The following PIP4K2A variants were observed in gnomAD, a reference collection of about 807,000 sequenced individuals.
PIP4K2A encodes the protein phosphatidylinositol-5-phosphate 4-kinase type 2 alpha, also known as phosphatidylinositol 5-phosphate 4-kinase type-2 alpha.
PIP4K2A carries 14 observed loss-of-function variants against 42.9 expected under a neutral mutation model. The observed-to-expected ratio is 0.33, with a 90% CI of 0.22 to 0.51. The LOEUF (loss-of-function observed/expected upper bound fraction) is 0.51. Among genes scored for constraint, PIP4K2A ranks in the 20% least tolerant of loss-of-function variants. PIP4K2A has a pLI of 0.97. For missense variants in PIP4K2A, 434 were observed against 519.8 expected, an observed-to-expected ratio of 0.83 and a Z score of 1.61; for synonymous variants, 192 against 192.2, an observed-to-expected ratio of 1.00 and a Z score of 0.01.
chr10:22,684,783 G>A (rs1449168180), intron 1 of PIP4K2A, among the ~76,000 whole-genome samples: 1 of 152,156 alleles, frequency 6.6e-6, no homozygotes, highest in East Asian at 1.9e-4. Flanking sequence ...AAAATGCACA[G>A]CCCATGACTG....
intron 1 of PIP4K2A, among the ~76,000 whole-genome samples, chr10:22,688,643 G>A (rs544063766): frequency 2.0e-5 from 3 of 152,072 alleles, no homozygotes; most frequent in African/African-American, 7.2e-5. Flanking sequence ...CATAGAGATG[G>A]GGTCCTGCTA....
chr10:22,659,311 T>C (rs996152946), intron 1 of PIP4K2A, among the ~76,000 whole-genome samples: 1 of 152,200 alleles, frequency 6.6e-6, no homozygotes, highest in Non-Finnish European at 1.5e-5. Flanking sequence ...AGGCTTTGAT[T>C]TGGCTGGGTG....
At chr10:22,686,248 T>C (rs1440565735) in intron 1 of PIP4K2A, among the ~76,000 whole-genome samples, 2 of 152,236 alleles carry the variant, frequency 1.3e-5, no homozygotes, top group African/African-American at 4.8e-5. Context: ...TAGATAGTTG[T>C]TCTTCTCTCC....
chr10:22,563,993 G>A (rs1836775240), intron 6 of PIP4K2A, among the ~76,000 whole-genome samples: 1 of 152,194 alleles, frequency 6.6e-6, no homozygotes, highest in Non-Finnish European at 1.5e-5. Flanking sequence ...CATCCTAGCA[G>A]AGTCCTAGAA....
intron 1 of PIP4K2A, among the ~76,000 whole-genome samples, chr10:22,651,799 C>T (rs910211967): frequency 1.1e-4 from 17 of 152,192 alleles, no homozygotes; most frequent in Non-Finnish European, 2.4e-4. Context: ...AGGACAGATG[C>T]GTGGGCGACC....
intron 1 of PIP4K2A, among the ~76,000 whole-genome samples, chr10:22,696,348 C>G (rs1029015650): frequency 5.4e-4 from 82 of 152,236 alleles, no homozygotes; most frequent in African/African-American, 2.0e-3. Context: ...TTAGCTGAGC[C>G]GATTACTTTA....
At chr10:22,591,816 G>C in intron 3 of PIP4K2A, 35 bp from the exon 4 acceptor site, 2 of 1,566,508 alleles carry the variant, frequency 1.3e-6, no homozygotes, top group South Asian at 1.2e-5. Context: ...AGGAAGGCGG[G>C]GGAAGATAAC....
intron 6 of PIP4K2A, among the ~76,000 whole-genome samples, chr10:22,557,397 T>C (rs1836580263): frequency 6.6e-6 from 1 of 152,212 alleles, no homozygotes. Context: ...CTAAGAACTT[T>C]TGCAGAATCT....
At chr10:22,665,889 TC>T (rs1201039952) in intron 1 of PIP4K2A, among the ~76,000 whole-genome samples, 1 of 151,978 alleles carries the variant, frequency 6.6e-6, no homozygotes, top group African/African-American at 2.4e-5. Context: ...GTTTTACTAA[TC>T]AGTACTTTTA....
At chr10:22,576,456 G>A (rs1042414865) in intron 4 of PIP4K2A, among the ~76,000 whole-genome samples, 1 of 152,154 alleles carries the variant, frequency 6.6e-6, no homozygotes, top group Non-Finnish European at 1.5e-5. Context: ...CCAGCTGCTG[G>A]AGGTCAGCCC....
intron 5 of PIP4K2A, among the ~76,000 whole-genome samples, chr10:22,568,393 T>C (rs1201500827): frequency 1.1e-5 from 1 of 94,932 alleles, no homozygotes; most frequent in Non-Finnish European, 2.1e-5. Context: ...CAATGCTCAT[T>C]GTTTTCTCCC....
intron 1 of PIP4K2A, among the ~76,000 whole-genome samples, chr10:22,626,914 T>C (rs1194039886): frequency 6.6e-6 from 1 of 152,188 alleles, no homozygotes; most frequent in Non-Finnish European, 1.5e-5. Flanking sequence ...TGCCAATTAA[T>C]ATATATCTCC....
At chr10:22,595,829 G>T (rs1564435570) in intron 3 of PIP4K2A, among the ~76,000 whole-genome samples, 1 of 152,050 alleles carries the variant, frequency 6.6e-6, no homozygotes, top group Non-Finnish European at 1.5e-5. Flanking sequence ...TTAGTTTCCG[G>T]GTCTATGAAG....
chr10:22,544,723 A>C (rs1379726164), intron 7 of PIP4K2A, among the ~76,000 whole-genome samples: 1 of 152,166 alleles, frequency 6.6e-6, no homozygotes, highest in African/African-American at 2.4e-5. Flanking sequence ...ACATTTCCAT[A>C]GTGCCGCGTT....
intron 6 of PIP4K2A, among the ~76,000 whole-genome samples, chr10:22,565,780 C>T (rs1228509112): frequency 6.6e-6 from 1 of 152,130 alleles, no homozygotes; most frequent in Non-Finnish European, 1.5e-5. Flanking sequence ...TTCTTTTTCT[C>T]AGCATGGAAC....
intron 1 of PIP4K2A, among the ~76,000 whole-genome samples, chr10:22,644,357 G>A (rs777088019): frequency 7.9e-5 from 12 of 152,174 alleles, no homozygotes; most frequent in Admixed American, 2.6e-4. Flanking sequence ...TTCTGCAGAT[G>A]GCGGCAAAGC....
chr10:22,620,512 C>A (rs898765197), intron 1 of PIP4K2A, among the ~76,000 whole-genome samples: 2 of 152,210 alleles, frequency 1.3e-5, no homozygotes, highest in African/African-American at 4.8e-5. Flanking sequence ...CTTTAAAAAA[C>A]GAGTCTGAGA....
At chr10:22,662,777 C>A (rs982848267) in intron 1 of PIP4K2A, among the ~76,000 whole-genome samples, 1 of 152,174 alleles carries the variant, frequency 6.6e-6, no homozygotes, top group Non-Finnish European at 1.5e-5. Context: ...AAACTCCCCC[C>A]GCCACAATGG....
chr10:22,682,738 C>G (rs114922855), intron 1 of PIP4K2A, among the ~76,000 whole-genome samples: 2 of 152,182 alleles, frequency 1.3e-5, no homozygotes, highest in African/African-American at 4.8e-5. Context: ...CTGAGCCAGT[C>G]TGAACTTGGC....
Sources: allele counts gnomAD v4.1 joint callset (sites outside exome capture counted in the v4.1 genomes callset), GRCh38; gene constraint gnomAD v4.1.1; transcripts MANE v1.5; gene names NCBI Gene and HGNC (gene_info 2026-07-23, HGNC 2026-07-21).